SNRPB2: variants seen among roughly 807,000 people sequenced by gnomAD.
SNRPB2 encodes the protein small nuclear ribonucleoprotein polypeptide B2.
A neutral mutation model predicts 26.3 loss-of-function variants in SNRPB2; 16 were observed. That is an observed-to-expected ratio of 0.61 (90% CI 0.41 to 0.92). SNRPB2 has a LOEUF of 0.92. Among genes scored for constraint, SNRPB2 ranks in the 40% least tolerant of loss-of-function variants. SNRPB2 has a pLI of 0.00. For synonymous variants in SNRPB2, 75 were observed against 89.0 expected (o/e 0.84, Z 0.88); for missense variants, 179 against 268.1 (o/e 0.67, Z 2.32).
Position 16,737,285 on chromosome 20 carries a change from T to G in SNRPB2, c.262T>G (p.Ser88Ala). 1 of 1,595,724 alleles carries G rather than the reference T, an allele frequency of 6.3e-7. No homozygotes were observed. The highest frequency in any genetic ancestry group is 8.5e-7 in the Non-Finnish European group (1 of 1,174,936). ...GCGAATACAGTATGCAAAAACAGAT[T>G]CGGATATAATATCAAAAATGCGTGG... Reference protein sequence around the residue: ...PMRIQYAKTDSDIISKMRGTF... With the variant: ...PMRIQYAKTDADIISKMRGTF... Residue 88 changes from serine to alanine, a missense_variant, in exon 4 of 7, where the codon TCG becomes GCG. Physicochemically the swap from Ser to Ala is moderately conservative, Grantham distance 99. This residue lies in a region of SNRPB2 where 145 missense variants were observed against 180.7 expected (regional missense o/e 0.80). Transcript: ENST00000246071.
At chr20:16,738,385 T>C (rs6044280) in intron 4 of SNRPB2, among the ~76,000 whole-genome samples, 2 of 149,430 alleles carry the variant, frequency 1.3e-5, no homozygotes, top group East Asian at 2.0e-4. Flanking sequence ...AGAGGTTGCA[T>C]TGAGGCAAGA....
chr20:16,732,693 G>A (rs1315320244), intron 3 of SNRPB2, among the ~76,000 whole-genome samples: 3 of 152,304 alleles, frequency 2.0e-5, no homozygotes, highest in Non-Finnish European at 4.4e-5. Flanking sequence ...AGGAAATTCA[G>A]TCTGAAGTTT....
rs943118211 is a variant in SNRPB2, at chr20:16,741,605, T to C, written c.*600T>C. 30 of 152,230 alleles carry C rather than the reference T, an allele frequency of 2.0e-4. No individual in the cohort carries two copies. Among genetic ancestry groups the C allele is most frequent in the African/African-American group, 7.2e-4 (30 of 41,470 alleles). 9.4% of individuals were successfully genotyped at this position (152,230 alleles called of 1,614,324 possible). ...GTTTACTGAGAAAACAGAAAGGGAA[T>C]GCTATCTTCACACTTTGCATTTAAT... On this transcript the variant is annotated 3_prime_UTR_variant, in exon 7 of 7. Coordinates refer to ENST00000246071, the MANE Select transcript of SNRPB2 (RefSeq NM_003092.5).
At chr20:16,735,574 T>A (rs1166121390) in intron 3 of SNRPB2, among the ~76,000 whole-genome samples, 1 of 152,222 alleles carries the variant, frequency 6.6e-6, no homozygotes, top group Non-Finnish European at 1.5e-5. Context: ...TTGTGCTTGT[T>A]ACAAGTGCAG....
Position 16,737,334 on chromosome 20 carries a change from AAAAAG to A in SNRPB2, c.321_325del (p.Lys108SerfsTer24), listed in dbSNP as rs1451772363. The A allele has an allele frequency of 1.9e-6, 3 of 1,608,122 alleles. No individual in the cohort carries two copies. Among genetic ancestry groups the A allele is most frequent in the East Asian group, 2.2e-5 (1 of 44,790 alleles). ...GGAACTTTTGCTGACAAAGAAAAGA[AAAAAG>A]AAAAGAAAAAAGCCAAAACTGTGGA... On this transcript the variant is annotated frameshift_variant, in exon 4 of 7. Coordinates refer to ENST00000246071, the MANE Select transcript of SNRPB2 (RefSeq NM_003092.5). LOFTEE classifies it high-confidence loss of function.
At chr20:16,732,074 T>TGG (rs58201946) in intron 2 of SNRPB2, 90 bp from the exon 3 acceptor site, 165 of 742,984 alleles carry the variant, frequency 2.2e-4, no homozygotes, top group African/African-American at 1.7e-3. Context: ...AAGTGAATGG[T>TGG]GGGGGGGGCA....
At chr20:16,738,638 T>G (rs1316444799) in intron 4 of SNRPB2, among the ~76,000 whole-genome samples, 1 of 152,078 alleles carries the variant, frequency 6.6e-6, no homozygotes, top group Non-Finnish European at 1.5e-5. Context: ...CTATTTAAAG[T>G]TTAGGGCTGG....
intron 3 of SNRPB2, among the ~76,000 whole-genome samples, chr20:16,737,041 T>C (rs2072430671): frequency 6.6e-6 from 1 of 152,234 alleles, no homozygotes; most frequent in African/African-American, 2.4e-5. Context: ...TATATGTTTT[T>C]TTAATCTAAT....
chr20:16,730,753 A>G (rs2072384458), intron 1 of SNRPB2: 1 of 152,292 alleles, frequency 6.6e-6, no homozygotes, highest in African/African-American at 2.4e-5. Flanking sequence ...ACACAAGGAA[A>G]TCATCCAAGT....
In SNRPB2 at chr20:16,741,013, G is replaced by T. The variant is rs1048439798; in HGVS notation, c.*8G>T. On this transcript the variant is annotated 3_prime_UTR_variant, in exon 7 of 7. Coordinates refer to ENST00000246071, the MANE Select transcript of SNRPB2 (RefSeq NM_003092.5). ...ACCTATGCCAAGAAATAACATTTGG[G>T]ATAGTCGTCTTTAAAAGACTTGGTG... The T allele has an allele frequency of 1.0e-5, 16 of 1,590,054 alleles. No homozygotes were observed. The Middle Eastern group carries it at 1.2e-3, about 116-fold the overall frequency.
At chr20:16,738,511 A>T (rs977893655) in intron 4 of SNRPB2, among the ~76,000 whole-genome samples, 1 of 152,074 alleles carries the variant, frequency 6.6e-6, no homozygotes, top group African/African-American at 2.4e-5. Context: ...AGTGATTAAA[A>T]GTCAGTTTTA....
chr20:16,738,841 A>G lies in SNRPB2; in HGVS notation c.379-11A>G. The stretch of plus-strand genomic sequence containing the variant: ...TTGGATATTTAAACTCTCCCTATTT[A>G]TTTTGCTTAGGGAACTCCAAATTCA... On this transcript the variant is annotated splice_polypyrimidine_tract_variant and intron_variant, in intron 4 of 6. Transcript: ENST00000246071. The G allele has an allele frequency of 6.5e-7, 1 of 1,550,000 alleles. No homozygotes were observed.
At position 16,737,393 on chromosome 20, in the gene SNRPB2, C is replaced by G. The variant is rs1419946069; in HGVS notation, c.370C>G (p.Pro124Ala). 6.3e-7 allele frequency: 1 copy of G among 1,580,862 alleles called. No individual in the cohort carries two copies. The change falls in exon 4 of 7, where the codon CCT becomes GCT. Residue 124 changes from proline (P) to alanine (A), a missense_variant. Physicochemically the swap from Pro to Ala is conservative, Grantham distance 27. Around this residue, in one of 2 missense-constraint regions of SNRPB2, gnomAD observed 145 missense variants for 180.7 expected, o/e 0.80. Coordinates refer to ENST00000246071, the MANE Select transcript of SNRPB2 (RefSeq NM_003092.5). ...GACTGCAACAACCACAAACAAAAAG[C>G]CTGGCCAGGTAAGAAAGACCAAGAA... ...EQTATTTNKKPGQGTPNSANT... is the reference protein window; with the variant it reads ...EQTATTTNKKAGQGTPNSANT...
Position 16,741,020 on chromosome 20 carries a change from G to T in SNRPB2, c.*15G>T. On this transcript the variant is annotated 3_prime_UTR_variant, in exon 7 of 7. Transcript: ENST00000246071. ...CCAAGAAATAACATTTGGGATAGTC[G>T]TCTTTAAAAGACTTGGTGTTATTTA... 1 of 1,571,378 alleles carries T rather than the reference G, an allele frequency of 6.4e-7. No individual in the cohort carries two copies. Among genetic ancestry groups the T allele is most frequent in the Non-Finnish European group, 8.7e-7 (1 of 1,147,918 alleles).
chr20:16,732,082 G>A (rs188960202), intron 2 of SNRPB2, 82 bp from the exon 3 acceptor site: 28 of 790,944 alleles, frequency 3.5e-5, no homozygotes, highest in East Asian at 3.2e-4. Flanking sequence ...GGTGGGGGGG[G>A]CAACTCAATG....
At chr20:16,731,473 A>G (rs1054713046) in intron 1 of SNRPB2, among the ~76,000 whole-genome samples, 195 bp from the exon 2 acceptor site, 2 of 152,222 alleles carry the variant, frequency 1.3e-5, no homozygotes, top group African/African-American at 2.4e-5. Context: ...TGGTGCTCCA[A>G]GTTTTGAATG....
intron 3 of SNRPB2, among the ~76,000 whole-genome samples, chr20:16,734,879 AT>A (rs2072415359): frequency 6.6e-6 from 1 of 152,212 alleles, no homozygotes; most frequent in Non-Finnish European, 1.5e-5. Flanking sequence ...GTCACCGAAG[AT>A]CTATTCAGGT....
rs146771169 is a variant in SNRPB2 at position 16,740,846 on chromosome 20, G to A, written c.519G>A (p.Gln173=). 1.1e-4 allele frequency: 179 copies of A among 1,607,176 alleles called. No individual in the cohort carries two copies. The highest frequency in any genetic ancestry group is 6.7e-4 in the Admixed American group (40 of 59,760). Residue 173 remains glutamine (Q), a splice_region_variant and synonymous_variant, in exon 7 of 7, where the codon CAG becomes CAA. Transcript: ENST00000246071. The part of the protein sequence containing the change: ...NEMMLSMLFN[Q]FPGFKEVRLV... ...CATGAATTGTTTTTCTTCTTTATAG[G>A]TTCCCTGGCTTCAAGGAAGTACGTC...
At position 16,741,155 on chromosome 20, in the gene SNRPB2, C is replaced by A; in HGVS notation, c.*150C>A. On this transcript the variant is annotated 3_prime_UTR_variant, in exon 7 of 7. Coordinates refer to ENST00000246071, the MANE Select transcript of SNRPB2 (RefSeq NM_003092.5). ...TTAAATTATCCAGTGTTTCTTTAGC[C>A]TTGGTGAACTATGAAATACGAAGGC... is the stretch of plus-strand genomic sequence containing the variant. 1 of 540,348 alleles carries A rather than the reference C, an allele frequency of 1.9e-6. No individual in the cohort carries two copies. The highest frequency in any genetic ancestry group is 3.2e-6 in the Non-Finnish European group (1 of 308,818). The allele number at this position is 540,348 out of a possible 1,614,324, so 33.5% of individuals were successfully genotyped here.
Sources: gnomAD v4.1 joint callset for allele counts (sites outside exome capture counted in the v4.1 genomes callset) on GRCh38, gnomAD v4.1.1 for gene constraint, gnomAD v4.1.1 regional missense constraint, MANE v1.5 for transcripts, NCBI Gene and HGNC (gene_info 2026-07-23, HGNC 2026-07-21) for gene names.